Variants in NMT1 observed in about 807,000 individuals in gnomAD.
NMT1 encodes N-myristoyltransferase 1, also known as glycylpeptide N-tetradecanoyltransferase 1.
NMT1 carries 12 observed loss-of-function variants against 63.4 expected under a neutral mutation model. That is an observed-to-expected ratio of 0.19 (90% confidence interval 0.12 to 0.31). The LOEUF (loss-of-function observed/expected upper bound fraction) is 0.31. Ranked by LOEUF, NMT1 falls within the 10% of genes least tolerant of loss-of-function variation. The pLI is 1.00. For missense variants in NMT1, 432 were observed against 634.6 expected (o/e 0.68, Z 3.43); for synonymous variants, 228 against 234.3 (o/e 0.97, Z 0.25).
intron 7 of NMT1, chr17:45,098,967 T>C: frequency 4.4e-6 from 1 of 226,348 alleles, no homozygotes; most frequent in Non-Finnish European, 8.8e-6. Context: ...AAGGGCAACC[T>C]CTGCCTTAGA....
chr17:45,091,913 C>G (rs2157838), intron 3 of NMT1, among the ~76,000 whole-genome samples: 34,254 of 152,084 alleles, frequency 0.23, 4,422 homozygotes, highest in African/African-American at 0.33. Flanking sequence ...CCCAACCACT[C>G]GAGAGGCTGA....
At position 45,099,241 on chromosome 17, in the gene NMT1, C is replaced by T. The variant is rs373818947; in HGVS notation, c.885-164C>T. Among the ~76,000 whole-genome samples, 49 of 152,324 alleles carry T rather than the reference C, an allele frequency of 3.2e-4. 1 individual carries two copies. The South Asian group carries it at 0.01, about 32-fold the overall frequency. On this transcript the variant is annotated intron_variant, in intron 7 of 11. Coordinates refer to ENST00000258960, the MANE Select transcript of NMT1 (RefSeq NM_021079.5). Reference sequence around the variant, plus strand: ...ATCCAGGAGGAGCTTTGGCAGCACTCACTGTGGGGAGGGGGAGGCTGGAGA... The same window carrying T: ...ATCCAGGAGGAGCTTTGGCAGCACTTACTGTGGGGAGGGGGAGGCTGGAGA...
chr17:45,096,363 T>G, intron 5 of NMT1, 78 bp downstream of exon 5: 1 of 1,203,532 alleles, frequency 8.3e-7, no homozygotes, highest in Non-Finnish European at 1.2e-6. Context: ...AGAGTTTTCA[T>G]CCCTGCCAGG....
At chr17:45,079,575 G>T (rs2054000515) in intron 1 of NMT1, among the ~76,000 whole-genome samples, 1 of 152,232 alleles carries the variant, frequency 6.6e-6, no homozygotes, top group South Asian at 2.1e-4. Context: ...CATTAATGAG[G>T]CTAAGAAACT....
At chr17:45,061,533 C>G in intron 1 of NMT1, 73 bp downstream of exon 1, 1 of 1,410,938 alleles carries the variant, frequency 7.1e-7, no homozygotes, top group Non-Finnish European at 9.8e-7. Flanking sequence ...GGGGAAGTCA[C>G]CGGGAGCTTA....
At chr17:45,081,084 ATGAC>A (rs1424820790) in intron 1 of NMT1, among the ~76,000 whole-genome samples, 13 of 152,198 alleles carry the variant, frequency 8.5e-5, no homozygotes, top group Admixed American at 8.5e-4. Context: ...GGCATTTCTC[ATGAC>A]TGACCATTTT....
intron 8 of NMT1, among the ~76,000 whole-genome samples, chr17:45,102,706 T>A (rs1012263266): frequency 3.3e-5 from 5 of 152,200 alleles, no homozygotes; most frequent in African/African-American, 1.2e-4. Context: ...TGTGTTTTCT[T>A]AGGGAGTCAG....
intron 3 of NMT1, among the ~76,000 whole-genome samples, chr17:45,091,692 G>A (rs990827177): frequency 2.3e-4 from 35 of 152,162 alleles, no homozygotes; most frequent in Admixed American, 7.9e-4. Flanking sequence ...GTTGGAAGCG[G>A]ATTGACTTAA....
chr17:45,074,052 C>T (rs1047861130), intron 1 of NMT1, among the ~76,000 whole-genome samples: 1 of 152,140 alleles, frequency 6.6e-6, no homozygotes, highest in Admixed American at 6.6e-5. Context: ...CCAGCTTACC[C>T]TTACCTCCCA....
chr17:45,077,648 C>T (rs1230506743), intron 1 of NMT1, among the ~76,000 whole-genome samples: 1 of 152,160 alleles, frequency 6.6e-6, no homozygotes, highest in Non-Finnish European at 1.5e-5. Context: ...CCTTGGCCTC[C>T]CAAAGTGCTG....
chr17:45,098,843 A>G (rs1026990450), intron 7 of NMT1: 38 of 366,934 alleles, frequency 1.0e-4, no homozygotes, highest in Admixed American at 6.9e-4. Context: ...TTTTGTTTTT[A>G]GGGATGAGCC....
intron 1 of NMT1, among the ~76,000 whole-genome samples, chr17:45,072,467 G>A (rs1047304195): frequency 3.3e-5 from 5 of 151,686 alleles, no homozygotes; most frequent in African/African-American, 1.2e-4. Flanking sequence ...GTTTCGCCAT[G>A]TTGGCCAGGC....
Position 45,104,600 on chromosome 17 carries a change from C to A in NMT1, c.1333-259C>A. On this transcript the variant is annotated intron_variant, in intron 10 of 11. Coordinates refer to ENST00000258960, the MANE Select transcript of NMT1 (RefSeq NM_021079.5). This position sits in a 1 kb window ranked among gnomAD's most constrained non-coding sequence, Gnocchi z 4.2. Reference sequence around the variant, plus strand: ...TTCAGGGAGGCATAACCAGGAATAGCAAGAGCCCCGGCCTGGACACTGAGT... The same window carrying A: ...TTCAGGGAGGCATAACCAGGAATAGAAAGAGCCCCGGCCTGGACACTGAGT... The A allele has an allele frequency of 7.9e-7, 1 of 1,263,308 alleles. No individual in the cohort carries two copies. Among genetic ancestry groups the A allele is most frequent in the Non-Finnish European group, 1.0e-6 (1 of 999,536 alleles). 78.3% of individuals were successfully genotyped at this position (1,263,308 alleles called of 1,614,324 possible).
At chr17:45,099,293 G>T (rs1285472240) in intron 7 of NMT1, 112 bp from the exon 8 acceptor site, 1 of 733,068 alleles carries the variant, frequency 1.4e-6, no homozygotes, top group African/African-American at 1.7e-5. Context: ...GACTCCGGAG[G>T]CACCTGATGT....
At chr17:45,093,887 C>A in intron 4 of NMT1, 84 bp downstream of exon 4, 1 of 1,144,996 alleles carries the variant, frequency 8.7e-7, no homozygotes, top group Non-Finnish European at 1.3e-6. Flanking sequence ...ACTACGTTTA[C>A]TCGAGCCCTA....
At position 45,061,427 on chromosome 17, in the gene NMT1, G is replaced by C. The variant is rs895881728; in HGVS notation, c.98G>C (p.Cys33Ser). 3 of 1,613,916 alleles carry C rather than the reference G, an allele frequency of 1.9e-6. 1 individual carries two copies. Among genetic ancestry groups the C allele is most frequent in the Admixed American group, 1.7e-5 (1 of 59,922 alleles). Residue 33 changes from cysteine to serine, a missense_variant, in exon 1 of 12, where the codon TGC (cysteine) becomes TCC (serine). Transcript: ENST00000258960. ...NGNGHEHCSD[C>S]ENEEDNSYNR... ...AACGGCCATGAGCACTGCAGCGATT[G>C]CGAGAATGAGGAGGACAACAGCTAC...
In NMT1 at chr17:45,063,217, A is replaced by G. The variant is rs973249443; in HGVS notation, c.131+1757A>G. On this transcript the variant is annotated intron_variant, in intron 1 of 11. Transcript: ENST00000258960. Reference sequence around the variant, plus strand: ...GAGACTCCGACTCAAAAAAAAAAAAAAAAAAAAAAAATCACAGGAAGAAAG... The same window carrying G: ...GAGACTCCGACTCAAAAAAAAAAAAGAAAAAAAAAAATCACAGGAAGAAAG... Among the ~76,000 whole-genome samples, 42 of 151,920 alleles carry G rather than the reference A, an allele frequency of 2.8e-4. 1 individual carries two copies. The highest frequency in any genetic ancestry group is 1.3e-4 in the Non-Finnish European group (9 of 67,918).
At chr17:45,095,310 A>C (rs528830568) in intron 4 of NMT1, among the ~76,000 whole-genome samples, 1 of 149,382 alleles carries the variant, frequency 6.7e-6, no homozygotes, top group African/African-American at 2.5e-5. Context: ...GTTTCACCAC[A>C]TTGGCCAGGC....
At position 45,064,280 on chromosome 17, in the gene NMT1, A is replaced by G. The variant is rs553805436; in HGVS notation, c.131+2820A>G. Among the ~76,000 whole-genome samples the G allele has an allele frequency of 2.6e-5, 4 of 152,308 alleles. No individual in the cohort carries two copies. In the South Asian group the frequency reaches 8.3e-4, roughly 32 times the overall value. On this transcript the variant is annotated intron_variant, in intron 1 of 11. Coordinates refer to ENST00000258960, the MANE Select transcript of NMT1 (RefSeq NM_021079.5). ...TGCAGTGGTGTCTCTGTGCATGGTT[A>G]TGGTCTGGGTGAAAAAATTATGTTT...
Sources: gnomAD v4.1 joint callset for allele counts (sites outside exome capture counted in the v4.1 genomes callset) on GRCh38, gnomAD v4.1.1 for gene constraint, Gnocchi (gnomAD v3.1) non-coding constraint, MANE v1.5 for transcripts, NCBI Gene and HGNC (gene_info 2026-07-23, HGNC 2026-07-21) for gene names.